The following SUGCT variants were observed in gnomAD, a reference collection of about 807,000 sequenced individuals.
The protein encoded by SUGCT is succinyl-CoA:glutarate CoA-transferase.
In SUGCT, 41 loss-of-function variants were observed where a neutral mutation model predicts 55.0. The ratio of observed to expected loss-of-function variants is 0.74; its 90% CI spans 0.58 to 0.97. The LOEUF (loss-of-function observed/expected upper bound fraction) is 0.97, where lower values mean the gene tolerates loss of function less well. SUGCT is among the 50% of genes least tolerant of loss of function. The pLI, the probability that SUGCT is intolerant of heterozygous loss-of-function variation, is 0.00. For missense variants in SUGCT, 568 were observed against 547.8 expected (o/e 1.04, Z -0.37); for synonymous variants, 187 against 200.4 (o/e 0.93, Z 0.56).
intron 9 of SUGCT, among the ~76,000 whole-genome samples, chr7:40,375,294 A>G (rs745590910): frequency 1.4e-4 from 21 of 152,186 alleles, no homozygotes; most frequent in Non-Finnish European, 2.1e-4. Flanking sequence ...GAAAGATGCA[A>G]TCAAGTTTCT....
the SUGCT span, among the ~76,000 whole-genome samples, chr7:40,890,051 C>A: frequency 9.2e-5 from 14 of 151,636 alleles, no homozygotes; most frequent in Non-Finnish European, 1.8e-4. Context: ...AGTAGTTGTT[C>A]AATGAGCACT....
intron 7 of SUGCT, among the ~76,000 whole-genome samples, chr7:40,249,804 T>C (rs1037824673): frequency 2.0e-5 from 3 of 152,138 alleles, no homozygotes; most frequent in Admixed American, 2.0e-4. Flanking sequence ...TGTGTGTGTG[T>C]GTGACAGAGT....
chr7:41,026,901 G>T, the SUGCT span, among the ~76,000 whole-genome samples: 3 of 152,040 alleles, frequency 2.0e-5, no homozygotes, highest in Non-Finnish European at 4.4e-5. Context: ...GAGAGGTGGC[G>T]CATGCCTGTA....
At chr7:40,329,088 G>T (rs1208726773) in intron 9 of SUGCT, among the ~76,000 whole-genome samples, 1 of 152,194 alleles carries the variant, frequency 6.6e-6, no homozygotes, top group Non-Finnish European at 1.5e-5. Flanking sequence ...GTTCCTAGGG[G>T]TGTCCAGTGC....
At chr7:40,193,114 G>A (rs1786019219) in intron 5 of SUGCT, among the ~76,000 whole-genome samples, 1 of 147,966 alleles carries the variant, frequency 6.8e-6, no homozygotes, top group African/African-American at 2.5e-5. Context: ...CTACAGGCAT[G>A]TGCCACCATG....
At chr7:40,759,391 T>C (rs1002422449) in intron 13 of SUGCT, among the ~76,000 whole-genome samples, 1 of 152,234 alleles carries the variant, frequency 6.6e-6, no homozygotes, top group East Asian at 1.9e-4. Context: ...TTAATACTTG[T>C]CTATATATGG....
chr7:40,190,104 G>A (rs1785798439), intron 5 of SUGCT, among the ~76,000 whole-genome samples: 1 of 152,134 alleles, frequency 6.6e-6, no homozygotes, highest in Non-Finnish European at 1.5e-5. Context: ...GAGCTGGAAG[G>A]CACAGTGGTT....
chr7:40,193,576 A>G (rs1406566), intron 5 of SUGCT, among the ~76,000 whole-genome samples: 77,036 of 149,734 alleles, frequency 0.51, 20,027 homozygotes, highest in Middle Eastern at 0.65. Context: ...GTGAGCCACT[A>G]TGCCCGGCCA....
chr7:40,273,863 T>C lies in SUGCT; in HGVS notation c.577-650T>C, dbSNP rs575011045. On this transcript the variant is annotated intron_variant, in intron 7 of 13. Transcript: ENST00000335693. ...CATCTCCGTTTTATACCCAGATAGT[T>C]GCAAAGCTCATGCCCTGTGCCCAGT... 2.5e-4 allele frequency among the ~76,000 whole-genome samples: 38 copies of C among 152,282 alleles called. 1 individual carries two copies. The South Asian group carries it at 7.5e-3, about 30-fold the overall frequency.
chr7:40,387,818 T>C (rs1448713873), intron 9 of SUGCT: 2 of 152,234 alleles, frequency 1.3e-5, no homozygotes, highest in African/African-American at 4.8e-5. Flanking sequence ...GGCACTATGC[T>C]AAGTACTTTA....
intron 8 of SUGCT, among the ~76,000 whole-genome samples, chr7:40,276,143 T>G (rs768291287): frequency 8.5e-5 from 13 of 152,050 alleles, no homozygotes; most frequent in Non-Finnish European, 1.3e-4. Context: ...TATGTATGGG[T>G]TTTTACATAA....
chr7:40,366,959 T>C (rs1057467040), intron 9 of SUGCT, among the ~76,000 whole-genome samples: 4 of 152,158 alleles, frequency 2.6e-5, no homozygotes, highest in Non-Finnish European at 5.9e-5. Context: ...TGAAGACACA[T>C]GCACACGTAT....
the SUGCT span, among the ~76,000 whole-genome samples, chr7:41,013,418 AAAG>A: frequency 8.5e-4 from 129 of 152,374 alleles, no homozygotes; most frequent in Non-Finnish European, 1.4e-3. Flanking sequence ...GCCCAGGTCC[AAAG>A]AAGGGGACAG....
intron 12 of SUGCT, among the ~76,000 whole-genome samples, chr7:40,613,714 G>A (rs574737819): frequency 6.6e-6 from 1 of 151,840 alleles, no homozygotes; most frequent in Non-Finnish European, 1.5e-5. Context: ...GGGTTCAAGC[G>A]ATTCTCCTGC....
chr7:40,559,840 C>T (rs973532389), intron 12 of SUGCT, among the ~76,000 whole-genome samples: 4 of 152,170 alleles, frequency 2.6e-5, no homozygotes, highest in African/African-American at 4.8e-5. Flanking sequence ...ACTTTTGAAA[C>T]TTTCACCACT....
At chr7:40,940,095 G>T in the SUGCT span, among the ~76,000 whole-genome samples, 1 of 151,990 alleles carries the variant, frequency 6.6e-6, no homozygotes, top group Admixed American at 6.6e-5. Flanking sequence ...TCTACATGTG[G>T]CTACCCAGTT....
intron 13 of SUGCT, among the ~76,000 whole-genome samples, chr7:40,771,804 T>G (rs1185119357): frequency 1.3e-5 from 2 of 152,174 alleles, no homozygotes; most frequent in African/African-American, 2.4e-5. Flanking sequence ...GAAATTGTAA[T>G]GTATTACAGT....
At chr7:40,413,006 CT>C (rs1786777054) in intron 9 of SUGCT, among the ~76,000 whole-genome samples, 1 of 151,978 alleles carries the variant, frequency 6.6e-6, no homozygotes, top group African/African-American at 2.4e-5. Flanking sequence ...ATCTTCTTAT[CT>C]TTTTCATTGT....
At chr7:40,491,748 T>G (rs1239116993) in intron 11 of SUGCT, among the ~76,000 whole-genome samples, 1 of 151,922 alleles carries the variant, frequency 6.6e-6, no homozygotes, top group East Asian at 1.9e-4. Context: ...TCCAGCACTT[T>G]GGGAGGCCAA....
Sources: gnomAD v4.1 joint callset for allele counts (sites outside exome capture counted in the v4.1 genomes callset) on GRCh38, gnomAD v4.1.1 for gene constraint, MANE v1.5 for transcripts, NCBI Gene and HGNC (gene_info 2026-07-23, HGNC 2026-07-21) for gene names.